Variants in MGAT4C observed in about 807,000 individuals in gnomAD.
The protein encoded by MGAT4C is alpha-1,3-mannosyl-glycoprotein 4-beta-N-acetylglucosaminyltransferase C.
In MGAT4C, 19 loss-of-function variants were observed where a neutral mutation model predicts 40.1. The ratio of observed to expected loss-of-function variants is 0.47; its 90% CI spans 0.33 to 0.70. The LOEUF is 0.70. MGAT4C is among the 30% of genes least tolerant of loss of function. MGAT4C has a pLI of 0.02. For synonymous variants in MGAT4C, 181 were observed against 187.1 expected (o/e 0.97, Z 0.27); for missense variants, 491 against 563.2 (o/e 0.87, Z 1.30).
chr12:86,127,766 G>A (rs1046133762), intron 1 of MGAT4C, among the ~76,000 whole-genome samples: 3 of 151,964 alleles, frequency 2.0e-5, no homozygotes, highest in Non-Finnish European at 4.4e-5. Flanking sequence ...TATGAAACAG[G>A]GTCAGGATCA....
chr12:86,673,340 A>C (rs1964309097), intron 2 of MGAT4C, among the ~76,000 whole-genome samples: 1 of 152,164 alleles, frequency 6.6e-6, no homozygotes, highest in African/African-American at 2.4e-5. Flanking sequence ...TACTAACACA[A>C]AGTAAGCCTT....
At chr12:86,076,885 GGA>G (rs772002529) in intron 1 of MGAT4C, among the ~76,000 whole-genome samples, 1 of 152,154 alleles carries the variant, frequency 6.6e-6, no homozygotes, top group Non-Finnish European at 1.5e-5. Context: ...TGAGGAGCAA[GGA>G]GAGCCAGTCC....
intron 2 of MGAT4C, among the ~76,000 whole-genome samples, chr12:86,631,929 T>G (rs1467668209): frequency 6.6e-6 from 1 of 152,034 alleles, no homozygotes; most frequent in Non-Finnish European, 1.5e-5. Flanking sequence ...CTAAAGAGCT[T>G]CTGCACAGCA....
At chr12:86,070,715 C>T (rs1895001475) in intron 1 of MGAT4C, among the ~76,000 whole-genome samples, 1 of 151,812 alleles carries the variant, frequency 6.6e-6, no homozygotes, top group South Asian at 2.1e-4. Context: ...AAGTATATCC[C>T]ATAATACAGG....
At chr12:86,646,342 T>G (rs1471563830) in intron 2 of MGAT4C, among the ~76,000 whole-genome samples, 1 of 151,918 alleles carries the variant, frequency 6.6e-6, no homozygotes, top group Non-Finnish European at 1.5e-5. Context: ...TCAATAAATA[T>G]TCATTGAACA....
chr12:86,501,231 G>A (rs1238327454), intron 2 of MGAT4C, among the ~76,000 whole-genome samples: 4 of 151,990 alleles, frequency 2.6e-5, no homozygotes, highest in Non-Finnish European at 5.9e-5. Flanking sequence ...AAGAGAAGAA[G>A]AGAAATGTTT....
chr12:86,569,604 A>C (rs1193830145), intron 2 of MGAT4C, among the ~76,000 whole-genome samples: 3 of 152,102 alleles, frequency 2.0e-5, no homozygotes, highest in Non-Finnish European at 2.9e-5. Flanking sequence ...GTTAATTATC[A>C]CAGCCATTAC....
intron 2 of MGAT4C, among the ~76,000 whole-genome samples, chr12:86,032,020 G>C (rs1278314972): frequency 6.6e-6 from 1 of 151,804 alleles, no homozygotes; most frequent in Non-Finnish European, 1.5e-5. Flanking sequence ...GGTAGTATTT[G>C]GTTTTCTGCT....
intron 2 of MGAT4C, among the ~76,000 whole-genome samples, chr12:86,619,079 C>A (rs1269417170): frequency 1.3e-5 from 2 of 151,980 alleles, no homozygotes; most frequent in Non-Finnish European, 2.9e-5. Context: ...CTAGAGATGA[C>A]TTAATGTACA....
chr12:86,300,448 T>C (rs1370679676), intron 4 of MGAT4C, among the ~76,000 whole-genome samples: 2 of 152,108 alleles, frequency 1.3e-5, no homozygotes, highest in South Asian at 4.1e-4. Context: ...AATTCTGAAA[T>C]TGATCAAAAT....
In MGAT4C at chr12:86,307,702, T is replaced by C. The variant is rs151261034; in HGVS notation, c.-57+26363A>G. 8.1e-3 allele frequency among the ~76,000 whole-genome samples: 1,213 copies of C among 150,296 alleles called. 103 individuals are homozygous for C. Among genetic ancestry groups the C allele is most frequent in the African/African-American group, 0.028 (1,110 of 39,762 alleles). ...TTGAGTACAATTTCTTTCTTTTATT[T>C]TATTTATTTATTTTTTTTGAGACGT... On this transcript the variant is annotated intron_variant, in intron 4 of 7. Coordinates refer to the MGAT4C transcript ENST00000548651.
intron 2 of MGAT4C, among the ~76,000 whole-genome samples, chr12:86,693,628 A>T (rs1950207577): frequency 6.6e-6 from 1 of 152,120 alleles, no homozygotes; most frequent in African/African-American, 2.4e-5. Flanking sequence ...CAATTAGATG[A>T]CAGTTGTAAT....
chr12:86,752,860 T>C (rs187454568), intron 1 of MGAT4C, among the ~76,000 whole-genome samples: 2 of 152,196 alleles, frequency 1.3e-5, no homozygotes, highest in East Asian at 3.9e-4. Flanking sequence ...ATGCAAAAAG[T>C]AAAACTTCAT....
At chr12:86,280,266 A>G (rs537596056) in intron 4 of MGAT4C, among the ~76,000 whole-genome samples, 1 of 151,958 alleles carries the variant, frequency 6.6e-6, no homozygotes, top group Non-Finnish European at 1.5e-5. Flanking sequence ...ATTATATTGG[A>G]GTCTATCTCT....
At chr12:86,002,233 A>C (rs1178236198) in intron 2 of MGAT4C, 1 of 152,148 alleles carries the variant, frequency 6.6e-6, no homozygotes, top group Non-Finnish European at 1.5e-5. Flanking sequence ...AAAGGAAAAA[A>C]AAAGGCTGAT....
chr12:86,026,964 C>T (rs560671738), intron 2 of MGAT4C, among the ~76,000 whole-genome samples: 3 of 152,074 alleles, frequency 2.0e-5, no homozygotes, highest in East Asian at 3.9e-4. Context: ...AGAAAATACA[C>T]ATGTTGCAAT....
chr12:86,474,752 A>T (rs1423392494), intron 2 of MGAT4C, among the ~76,000 whole-genome samples: 2 of 152,048 alleles, frequency 1.3e-5, no homozygotes, highest in African/African-American at 2.4e-5. Context: ...AAATGGGGAT[A>T]TGGTCAGATT....
At chr12:86,837,834 C>A (rs1471664234) in intron 1 of MGAT4C, among the ~76,000 whole-genome samples, 1 of 152,130 alleles carries the variant, frequency 6.6e-6, no homozygotes, top group Non-Finnish European at 1.5e-5. Flanking sequence ...TTTTCAGAAA[C>A]AGACACGGAA....
chr12:86,384,855 C>G (rs978377125), intron 3 of MGAT4C, among the ~76,000 whole-genome samples: 1 of 152,126 alleles, frequency 6.6e-6, no homozygotes, highest in African/African-American at 2.4e-5. Flanking sequence ...CCGTTCATCA[C>G]CAGCTACTCC....
Sources: allele counts gnomAD v4.1 joint callset (sites outside exome capture counted in the v4.1 genomes callset), GRCh38; gene constraint gnomAD v4.1.1; transcripts MANE v1.5; gene names NCBI Gene and HGNC (gene_info 2026-07-23, HGNC 2026-07-21).